NRXN1: variants seen among roughly 807,000 people sequenced by gnomAD.
NRXN1 encodes neurexin 1, also known as neurexin-1.
A neutral mutation model predicts 150.9 loss-of-function variants in NRXN1; 39 were observed. That is an observed-to-expected ratio of 0.26 (90% CI 0.20 to 0.34). The LOEUF is 0.34. NRXN1 is among the 10% of genes least tolerant of loss of function. NRXN1 has a pLI of 1.00. For missense variants in NRXN1, 1,815 were observed against 1,949.9 expected (o/e 0.93, Z 1.30); for synonymous variants, 924 against 757.0 (o/e 1.22, Z -3.62).
intron 19 of NRXN1, among the ~76,000 whole-genome samples, chr2:50,070,664 G>T (rs1396601617): frequency 1.3e-5 from 2 of 151,114 alleles, no homozygotes; most frequent in Non-Finnish European, 3.0e-5. Context: ...CAGCTACTCG[G>T]GAGGCTGAGG....
At chr2:50,775,147 T>A (rs1703454204) in intron 5 of NRXN1, among the ~76,000 whole-genome samples, 1 of 152,140 alleles carries the variant, frequency 6.6e-6, no homozygotes, top group South Asian at 2.1e-4. Context: ...TACTGTGTGG[T>A]AAGAATATCT....
intron 5 of NRXN1, among the ~76,000 whole-genome samples, chr2:50,852,333 T>C (rs945171552): frequency 6.6e-6 from 1 of 152,198 alleles, no homozygotes; most frequent in African/African-American, 2.4e-5. Context: ...TAAGCAAGAA[T>C]GAAAATGATT....
At chr2:49,934,570 C>T (rs1670676017) in intron 22 of NRXN1, among the ~76,000 whole-genome samples, 1 of 152,044 alleles carries the variant, frequency 6.6e-6, no homozygotes, top group African/African-American at 2.4e-5. Flanking sequence ...AATGCAATAG[C>T]TAAGGTGAAA....
At chr2:50,991,869 T>C (rs958234517) in intron 2 of NRXN1, among the ~76,000 whole-genome samples, 7 of 152,014 alleles carry the variant, frequency 4.6e-5, no homozygotes, top group African/African-American at 1.7e-4. Flanking sequence ...CAATAAAAGA[T>C]CCCATTAGAA....
chr2:50,306,836 T>G (rs893411895), intron 17 of NRXN1, among the ~76,000 whole-genome samples: 6 of 152,276 alleles, frequency 3.9e-5, no homozygotes, highest in African/African-American at 1.4e-4. Flanking sequence ...CTAAGGTGGC[T>G]TTTTGTTTTT....
chr2:50,333,873 A>G (rs575310662), intron 17 of NRXN1, among the ~76,000 whole-genome samples: 1 of 152,218 alleles, frequency 6.6e-6, no homozygotes, highest in East Asian at 1.9e-4. Context: ...AAATATCTGC[A>G]TATTGTGAAT....
chr2:50,775,277 A>G (rs192315892), intron 5 of NRXN1, among the ~76,000 whole-genome samples: 178 of 152,208 alleles, frequency 1.2e-3, no homozygotes, highest in African/African-American at 4.1e-3. Flanking sequence ...TTCTCTCGGT[A>G]TCCTGTGGGG....
At chr2:50,298,079 A>T (rs2073795129) in intron 17 of NRXN1, among the ~76,000 whole-genome samples, 1 of 152,058 alleles carries the variant, frequency 6.6e-6, no homozygotes, top group Admixed American at 6.6e-5. Context: ...ATTAATATTA[A>T]GATTAATAAA....
intron 8 of NRXN1, among the ~76,000 whole-genome samples, chr2:50,593,874 A>C (rs1674695614): frequency 6.6e-6 from 1 of 152,230 alleles, no homozygotes; most frequent in African/African-American, 2.4e-5. Context: ...TTACAGTTGC[A>C]TGAGGATGAT....
chr2:50,293,498 A>G (rs2073192357), intron 17 of NRXN1, among the ~76,000 whole-genome samples: 1 of 152,108 alleles, frequency 6.6e-6, no homozygotes, highest in Non-Finnish European at 1.5e-5. Flanking sequence ...CTATGAAGCT[A>G]TGTAGCAAAT....
chr2:50,135,876 A>G (rs1035248858), intron 18 of NRXN1, among the ~76,000 whole-genome samples: 5 of 152,228 alleles, frequency 3.3e-5, no homozygotes, highest in African/African-American at 1.2e-4. Context: ...TATTCCTGAA[A>G]GAAAATTGAG....
chr2:50,491,520 G>T (rs1399159440), intron 15 of NRXN1, among the ~76,000 whole-genome samples: 1 of 152,070 alleles, frequency 6.6e-6, no homozygotes, highest in Admixed American at 6.6e-5. Flanking sequence ...AGGTTGAGGA[G>T]GAGATAAATG....
chr2:50,356,314 T>C (rs565174087), intron 17 of NRXN1, among the ~76,000 whole-genome samples: 13 of 152,298 alleles, frequency 8.5e-5, no homozygotes, highest in African/African-American at 3.1e-4. Context: ...CAATTCAAAT[T>C]GCACAATTAT....
At chr2:50,456,512 G>A (rs1173523919) in intron 17 of NRXN1, among the ~76,000 whole-genome samples, 3 of 152,048 alleles carry the variant, frequency 2.0e-5, no homozygotes, top group African/African-American at 7.2e-5. Context: ...TTTTTAACTG[G>A]CACAGTAAAT....
intron 2 of NRXN1, among the ~76,000 whole-genome samples, chr2:50,994,898 T>C (rs891538040): frequency 2.6e-5 from 4 of 151,972 alleles, no homozygotes; most frequent in African/African-American, 4.8e-5. Flanking sequence ...AATTACACTG[T>C]TTTTTTAAAA....
At chr2:50,337,578 A>AG (rs918957563) in intron 17 of NRXN1, among the ~76,000 whole-genome samples, 3 of 152,344 alleles carry the variant, frequency 2.0e-5, no homozygotes, top group Admixed American at 6.5e-5. Flanking sequence ...AGTTTAAAAC[A>AG]GCACCTGGCA....
chr2:50,015,413 G>A (rs1163668969), intron 21 of NRXN1, among the ~76,000 whole-genome samples: 2 of 150,686 alleles, frequency 1.3e-5, no homozygotes, highest in African/African-American at 4.9e-5. Flanking sequence ...AGGCACACAG[G>A]AGACTGTGGC....
intron 2 of NRXN1, among the ~76,000 whole-genome samples, chr2:50,988,781 C>T (rs775609173): frequency 1.3e-4 from 20 of 152,054 alleles, no homozygotes; most frequent in Non-Finnish European, 2.8e-4. Context: ...TGGTTTTTCC[C>T]CAGTTTATTA....
intron 1 of NRXN1, among the ~76,000 whole-genome samples, chr2:51,029,609 T>C (rs541056422): frequency 6.6e-6 from 1 of 152,374 alleles, no homozygotes; most frequent in African/African-American, 2.4e-5. Flanking sequence ...TAAGAGATTT[T>C]ACAATTGGCA....
Sources: allele counts gnomAD v4.1 joint callset (sites outside exome capture counted in the v4.1 genomes callset), GRCh38; gene constraint gnomAD v4.1.1; transcripts MANE v1.5; gene names NCBI Gene and HGNC (gene_info 2026-07-23, HGNC 2026-07-21).